Variants in MAIP1 observed in about 807,000 individuals in gnomAD.
The protein encoded by MAIP1 is matrix AAA peptidase interacting protein 1.
A neutral mutation model predicts 31.2 loss-of-function variants in MAIP1; 28 were observed. The ratio of observed to expected loss-of-function variants is 0.90; its 90% CI spans 0.67 to 1.23. The LOEUF is 1.23. Among genes scored for constraint, MAIP1 ranks in the 50% most tolerant of loss-of-function variants. MAIP1 has a pLI of 0.00. For synonymous variants in MAIP1, 142 were observed against 142.3 expected (o/e 1.00, Z 0.02); for missense variants, 339 against 356.0 (o/e 0.95, Z 0.38).
intron 2 of MAIP1, 75 bp downstream of exon 2, chr2:199,959,414 T>C: frequency 1.1e-6 from 1 of 873,234 alleles, no homozygotes; most frequent in Non-Finnish European, 1.9e-6. Context: ...ATTTTCCTTA[T>C]TTATGCTTAA....
rs1184049618 is a variant in MAIP1 at position 199,963,810 on chromosome 2, A to T, written c.875A>T (p.Ter292LeuextTer26). 1.2e-6 allele frequency: 2 copies of T among 1,601,372 alleles called. No homozygotes were observed. The highest frequency in any genetic ancestry group is 1.7e-6 in the Non-Finnish European group (2 of 1,169,760). Residue 292 changes from the stop codon to leucine (L), a stop_lost, in exon 5 of 5, where the codon TAA becomes TTA. Coordinates refer to ENST00000392290, the MANE Select transcript of MAIP1 (RefSeq NM_001394955.1). ...ATTGAACACTCAAAATTATTAGAATAATTTTCTTGGAAAAATCAGCTTATG... is the reference window on the plus strand; with the variant it reads ...ATTGAACACTCAAAATTATTAGAATTATTTTCTTGGAAAAATCAGCTTATG... Reference protein sequence around the residue: ...ARIEHSKLLE* With the variant: ...ARIEHSKLLEL
chr2:199,960,010 C>A (rs2077627899), intron 3 of MAIP1, 130 bp downstream of exon 3: 2 of 842,880 alleles, frequency 2.4e-6, no homozygotes, highest in Non-Finnish European at 3.6e-6. Flanking sequence ...AATGTTATAT[C>A]CATTCTTTAA....
chr2:199,955,631 T>C lies in MAIP1; in HGVS notation c.-168T>C. On this transcript the variant is annotated 5_prime_UTR_variant, in exon 1 of 5. Transcript: ENST00000392290. The stretch of plus-strand genomic sequence containing the variant: ...GCGCGGGGCGGGTTGCCGAAGGGCC[T>C]CGGCCTGGGCTGCGTGCTGGAGAGC... 8.5e-7 allele frequency: 1 copy of C among 1,176,534 alleles called. No homozygotes were observed. The highest frequency in any genetic ancestry group is 1.2e-6 in the Non-Finnish European group (1 of 851,376). The allele number at this position is 1,176,534 out of a possible 1,614,324, so 72.9% of individuals were successfully genotyped here. A position where few individuals can be genotyped will look rare whatever the true frequency, so the allele number is the denominator to read the frequency against.
Position 199,959,301 on chromosome 2 carries a change from T to C in MAIP1, c.484T>C (p.Cys162Arg). ...FAHVSKLLSQ[C>R]KFDLLEELVA... ...TCATGTATCCAAGTTGCTGTCACAGTGTAAATTTGATCTGTTGGAAGAACT... is the reference window on the plus strand; with the variant it reads ...TCATGTATCCAAGTTGCTGTCACAGCGTAAATTTGATCTGTTGGAAGAACT... Residue 162 changes from cysteine to arginine, a missense_variant, in exon 2 of 5, where the codon TGT becomes CGT. Cys to Arg is a radical substitution (Grantham distance 180, BLOSUM62 -3). Transcript: ENST00000392290. 6.2e-7 allele frequency: 1 copy of C among 1,601,002 alleles called. No individual in the cohort carries two copies. The highest frequency in any genetic ancestry group is 8.6e-7 in the Non-Finnish European group (1 of 1,168,318).
intron 3 of MAIP1, among the ~76,000 whole-genome samples, chr2:199,961,420 C>T (rs924724142): frequency 1.3e-5 from 2 of 152,014 alleles, no homozygotes; most frequent in Non-Finnish European, 1.5e-5. Context: ...GCCGATACTG[C>T]GCCACTGCAC....
Position 199,961,926 on chromosome 2 carries a change from T to G in MAIP1, c.795T>G (p.Tyr265Ter). The G allele has an allele frequency of 6.2e-7, 1 of 1,611,128 alleles. No individual in the cohort carries two copies. Among genetic ancestry groups the G allele is most frequent in the Non-Finnish European group, 8.5e-7 (1 of 1,178,658 alleles). ...CTAAACAACTTCTTAGTGCAAGCTA[T>G]GAGTAAGTTTAATCAGATTTCATTG... ...VETKQLLSAS[Y>*]EFQREFTQGV... is the part of the protein sequence containing the mutation. Residue 265 changes from tyrosine (Y) to a stop codon, truncating the protein, a stop_gained and splice_region_variant, in exon 4 of 5, where the codon TAT becomes TAG. Coordinates refer to ENST00000392290, the MANE Select transcript of MAIP1 (RefSeq NM_001394955.1). LOFTEE classifies it high-confidence loss of function.
intron 1 of MAIP1, among the ~76,000 whole-genome samples, chr2:199,957,847 C>T (rs1331087867): frequency 6.6e-6 from 1 of 152,182 alleles, no homozygotes; most frequent in Non-Finnish European, 1.5e-5. Context: ...GATATATGAG[C>T]TTGTCCACCT....
Position 199,955,862 on chromosome 2 carries a change from G to T in MAIP1, c.64G>T (p.Val22Phe). ...CTCTCGGTCGCTGCCCTGCGGGGCC[G>T]TCCGACTCCGGACTCCTGCTGTGGC... is the stretch of plus-strand genomic sequence containing the variant. Reference protein sequence around the residue: ...LHSRSLPCGAVRLRTPAVAEV... With the variant: ...LHSRSLPCGAFRLRTPAVAEV... The change falls in exon 1 of 5, where the codon GTC (valine) becomes TTC (phenylalanine). Residue 22 changes from valine (V) to phenylalanine (F), a missense_variant. Transcript: ENST00000392290. 1 of 1,531,754 alleles carries T rather than the reference G, an allele frequency of 6.5e-7. No homozygotes were observed. The highest frequency in any genetic ancestry group is 2.3e-5 in the East Asian group (1 of 44,202). 94.9% of individuals were successfully genotyped at this position (1,531,754 alleles called of 1,614,324 possible). A position where few individuals can be genotyped will look rare whatever the true frequency, so the allele number is the denominator to read the frequency against.
chr2:199,958,489 A>G (rs2077619632), intron 1 of MAIP1, among the ~76,000 whole-genome samples: 1 of 152,192 alleles, frequency 6.6e-6, no homozygotes, highest in South Asian at 2.1e-4. Context: ...CTGGCAGCCT[A>G]GATTTCAGCT....
At chr2:199,961,569 A>T (rs2077637025) in intron 3 of MAIP1, among the ~76,000 whole-genome samples, 1 of 152,252 alleles carries the variant, frequency 6.6e-6, no homozygotes, top group Admixed American at 6.5e-5. Context: ...ACTGAGATAC[A>T]GAGAAGAGGG....
chr2:199,956,213 T>G lies in MAIP1; in HGVS notation c.415T>G (p.Phe139Val). Residue 139 changes from phenylalanine to valine, a missense_variant, in exon 1 of 5, where the codon TTC becomes GTC. Phe to Val is a conservative substitution (Grantham distance 50). Coordinates refer to ENST00000392290, the MANE Select transcript of MAIP1 (RefSeq NM_001394955.1). ...FLIWAYFDKE[F>V]SITEFSEGAK... is the part of the protein sequence containing the mutation. ...TATCTGGGCCTATTTCGACAAAGAG[T>G]TCAGCATCACAGAGTTCTCCGAGGG... 1 of 1,613,888 alleles carries G rather than the reference T, an allele frequency of 6.2e-7. No individual in the cohort carries two copies. The highest frequency in any genetic ancestry group is 1.3e-5 in the African/African-American group (1 of 75,054).
At chr2:199,959,987 G>A in intron 3 of MAIP1, 107 bp downstream of exon 3, 1 of 1,018,464 alleles carries the variant, frequency 9.8e-7, no homozygotes, top group Non-Finnish European at 1.4e-6. Context: ...AGTATTTATA[G>A]AACTTCAAAG....
chr2:199,961,474 A>G (rs2077636658), intron 3 of MAIP1, among the ~76,000 whole-genome samples: 1 of 152,140 alleles, frequency 6.6e-6, no homozygotes, highest in African/African-American at 2.4e-5. Flanking sequence ...AAAAAAAGAG[A>G]AAGAAAAAGA....
Position 199,956,209 on chromosome 2 carries a change from A to G in MAIP1, c.411A>G (p.Lys137=), listed in dbSNP as rs1218011498. The change falls in exon 1 of 5, where the codon AAA becomes AAG. Residue 137 remains lysine (K), a synonymous_variant. Transcript: ENST00000392290. ...TCCTTATCTGGGCCTATTTCGACAA[A>G]GAGTTCAGCATCACAGAGTTCTCCG... is the stretch of plus-strand genomic sequence containing the variant. The part of the protein sequence containing the change: ...KAFLIWAYFD[K]EFSITEFSEG... 1.2e-6 allele frequency: 2 copies of G among 1,613,942 alleles called. No homozygotes were observed. Among genetic ancestry groups the G allele is most frequent in the South Asian group, 1.1e-5 (1 of 91,082 alleles).
intron 3 of MAIP1, among the ~76,000 whole-genome samples, 185 bp from the exon 4 acceptor site, chr2:199,961,596 C>T (rs1362342194): frequency 6.6e-6 from 1 of 152,030 alleles, no homozygotes; most frequent in Admixed American, 6.6e-5. Flanking sequence ...TGCCATAAAC[C>T]CTAAGACAAT....
In MAIP1 at chr2:199,959,423, A is replaced by T. The variant is rs2077624506; in HGVS notation, c.522+84A>T. The T allele has an allele frequency of 7.3e-6, 6 of 824,828 alleles. No individual in the cohort carries two copies. The East Asian group carries it at 1.5e-4, about 20-fold the overall frequency. 51.1% of individuals were successfully genotyped at this position (824,828 alleles called of 1,614,324 possible). ...ATGCACATTTTCCTTATTTATGCTT[A>T]AAAATAGTGTGTGTGCCAGCATCCA... On this transcript the variant is annotated intron_variant, in intron 2 of 4. Coordinates refer to ENST00000392290, the MANE Select transcript of MAIP1 (RefSeq NM_001394955.1).
chr2:199,955,504 G>T (rs145152608), upstream of MAIP1: 38 of 1,609,102 alleles, frequency 2.4e-5, no homozygotes, highest in Middle Eastern at 5.0e-4. Flanking sequence ...CAGGTCTTCG[G>T]AACTTCGGCT....
In MAIP1 at chr2:199,959,785, C is replaced by T; in HGVS notation, c.554C>T (p.Ser185Leu). 1.9e-6 allele frequency: 3 copies of T among 1,612,428 alleles called. No homozygotes were observed. Among genetic ancestry groups the T allele is most frequent in the Non-Finnish European group, 1.7e-6 (2 of 1,179,124 alleles). ...VLHALKEKVT[S>L]LPDNHKNALA... Reference sequence around the variant, plus strand: ...CATGCATTGAAAGAAAAGGTTACTTCACTACCTGACAACCATAAAAATGCC... The same window carrying T: ...CATGCATTGAAAGAAAAGGTTACTTTACTACCTGACAACCATAAAAATGCC... Residue 185 changes from serine (S) to leucine (L), a missense_variant, in exon 3 of 5, where the codon TCA becomes TTA. Ser to Leu is a moderately radical substitution (Grantham distance 145). Transcript: ENST00000392290.
intron 4 of MAIP1, among the ~76,000 whole-genome samples, chr2:199,962,183 G>C (rs2077640455): frequency 6.6e-6 from 1 of 152,176 alleles, no homozygotes; most frequent in Non-Finnish European, 1.5e-5. Context: ...AAATTCATTG[G>C]CTTCAAACAG....
Sources: allele counts gnomAD v4.1 joint callset (sites outside exome capture counted in the v4.1 genomes callset), GRCh38; gene constraint gnomAD v4.1.1; transcripts MANE v1.5; gene names NCBI Gene and HGNC (gene_info 2026-07-23, HGNC 2026-07-21).